Variants in CDH23 observed in about 807,000 individuals in gnomAD.
The protein encoded by CDH23 is cadherin-23.
Under a neutral mutation model 317.1 loss-of-function variants are expected in CDH23, and 189 were observed. The ratio of observed to expected loss-of-function variants is 0.60; its 90% CI spans 0.53 to 0.67. The LOEUF (loss-of-function observed/expected upper bound fraction) is 0.67. CDH23 is among the 30% of genes least tolerant of loss of function. The probability of loss-of-function intolerance (pLI) is 0.00; values close to 1 mark genes in which losing one functional copy is unlikely to be tolerated. For missense variants in CDH23, 4,401 were observed against 4,592.4 expected (o/e 0.96, Z 1.20); for synonymous variants, 1,839 against 1,876.8 (o/e 0.98, Z 0.52).
chr10:71,646,989 C>T (rs907501750), intron 14 of CDH23: 1 of 985,174 alleles, frequency 1.0e-6, no homozygotes, highest in African/African-American at 1.7e-5. Flanking sequence ...AGCACAGGCA[C>T]CAGAGAGGGG....
chr10:71,673,682 C>T (rs1199863732), intron 14 of CDH23, among the ~76,000 whole-genome samples: 1 of 152,210 alleles, frequency 6.6e-6, no homozygotes, highest in Non-Finnish European at 1.5e-5. Context: ...AGCTGTGAAG[C>T]CTTGAGTGAA....
At chr10:71,428,538 G>A (rs1046309888) in intron 1 of CDH23, among the ~76,000 whole-genome samples, 25 of 151,934 alleles carry the variant, frequency 1.6e-4, no homozygotes, top group Admixed American at 1.1e-3. Context: ...CTCCCTAATG[G>A]TAGTGATGGT....
chr10:71,591,976 G>C (rs1333639287), intron 9 of CDH23, among the ~76,000 whole-genome samples: 1 of 152,136 alleles, frequency 6.6e-6, no homozygotes, highest in Non-Finnish European at 1.5e-5. Flanking sequence ...ATGAGCAAAG[G>C]CTTAGAGGGA....
At position 71,594,842 on chromosome 10, in the gene CDH23, G is replaced by A. The variant is rs556687927; in HGVS notation, c.832+16850G>A. 1.1e-4 allele frequency among the ~76,000 whole-genome samples: 16 copies of A among 152,248 alleles called. No homozygotes were observed. In the South Asian group the frequency reaches 2.7e-3, roughly 26 times the overall value. ...TGAACCATATAAAATCCCCATTTTCGTAGTGACAAAATGATTTAATGTCAG... is the reference window on the plus strand; with the variant it reads ...TGAACCATATAAAATCCCCATTTTCATAGTGACAAAATGATTTAATGTCAG... On this transcript the variant is annotated intron_variant, in intron 9 of 69. Coordinates refer to ENST00000224721, the MANE Select transcript of CDH23 (RefSeq NM_022124.6).
At chr10:71,474,101 C>A (rs1245576754) in intron 3 of CDH23, among the ~76,000 whole-genome samples, 3 of 152,180 alleles carry the variant, frequency 2.0e-5, no homozygotes, top group African/African-American at 7.2e-5. Context: ...GGTGCCCGCT[C>A]CCTCCCCCAC....
chr10:71,683,864 C>T (rs1273043409), intron 18 of CDH23, among the ~76,000 whole-genome samples: 2 of 151,940 alleles, frequency 1.3e-5, no homozygotes, highest in African/African-American at 2.4e-5. Context: ...AGGTGGATCA[C>T]GAGGTCAGGA....
chr10:71,530,367 G>A (rs1477576422), intron 6 of CDH23, among the ~76,000 whole-genome samples: 1 of 152,198 alleles, frequency 6.6e-6, no homozygotes, highest in Admixed American at 6.5e-5. Context: ...CCCACAGTGG[G>A]GCCTCTCAGC....
chr10:71,445,258 A>C (rs1850099587), intron 2 of CDH23, among the ~76,000 whole-genome samples: 1 of 152,224 alleles, frequency 6.6e-6, no homozygotes, highest in South Asian at 2.1e-4. Context: ...CTGCCTTGCC[A>C]TCAGGATTGA....
At chr10:71,429,378 C>T (rs930488869) in intron 1 of CDH23, among the ~76,000 whole-genome samples, 30 of 152,198 alleles carry the variant, frequency 2.0e-4, no homozygotes, top group African/African-American at 6.8e-4. Flanking sequence ...AGACAAGTCC[C>T]TCTGCACAAG....
At chr10:71,773,383 G>A (rs1447953206) in intron 38 of CDH23, 4 of 1,610,188 alleles carry the variant, frequency 2.5e-6, no homozygotes, top group South Asian at 2.2e-5. Context: ...GGAAGAGAGC[G>A]AAGAGCAGGG....
Position 71,777,739 on chromosome 10 carries a change from G to A in CDH23, c.4905G>A (p.Gln1635=), listed in dbSNP as rs1840850085. Residue 1635 remains glutamine (Q), a synonymous_variant, in exon 39 of 70, where the codon CAG becomes CAA. Coordinates refer to ENST00000224721, the MANE Select transcript of CDH23 (RefSeq NM_022124.6). ...VDENDNAPMF[Q]QPHYEVLLDE... is the part of the protein sequence containing the mutation. ...AGAATGATAACGCGCCCATGTTCCA[G>A]CAGCCCCACTATGAGGTGCTGCTGG... 1.2e-6 allele frequency: 2 copies of A among 1,613,710 alleles called. No individual in the cohort carries two copies. The highest frequency in any genetic ancestry group is 2.2e-5 in the East Asian group (1 of 44,870).
At position 71,566,947 on chromosome 10, in the gene CDH23, A is replaced by C. The variant is rs770949827; in HGVS notation, c.624+11A>C. ...ACGGTCAACGCCACAGTGAGTCTCC[A>C]TGCTGGGGCCCCGGCCGTCCCAGCT... On this transcript the variant is annotated intron_variant, in intron 7 of 69. Transcript: ENST00000224721. 2.5e-6 allele frequency: 4 copies of C among 1,609,224 alleles called. No homozygotes were observed. The highest frequency in any genetic ancestry group is 3.4e-6 in the Non-Finnish European group (4 of 1,179,176).
rs142264054 is a variant in CDH23, at chr10:71,501,594, C to T, written c.146-8488C>T. Among the ~76,000 whole-genome samples the T allele has an allele frequency of 1.7e-3, 258 of 152,302 alleles. 1 individual carries two copies. Among genetic ancestry groups the T allele is most frequent in the African/African-American group, 5.9e-3 (245 of 41,564 alleles). On this transcript the variant is annotated intron_variant, in intron 3 of 69. Transcript: ENST00000224721. ...AAGCCTAAGATGAAGAAAAGAGCTC[C>T]CCTGAGGTCAAACCAAGTTCAGGAC...
At chr10:71,535,892 A>G (rs1855674496) in intron 6 of CDH23, among the ~76,000 whole-genome samples, 2 of 152,228 alleles carry the variant, frequency 1.3e-5, no homozygotes, top group African/African-American at 4.8e-5. Context: ...GTTGGGACAC[A>G]GGGAAAGTGC....
chr10:71,759,884 C>CACACACACATAT lies in CDH23; in HGVS notation c.4846-17795_4846-17794insCACACACATATA, dbSNP rs1554868497. On this transcript the variant is annotated intron_variant, in intron 38 of 69. Transcript: ENST00000224721. ...ACACACATATATATACACACACACA[C>CACACACACATAT]ATATACACACACACATATATACACA... Among the ~76,000 whole-genome samples the CACACACACATAT allele has an allele frequency of 4.1e-4, 20 of 49,186 alleles. 4 individuals carry two copies. The East Asian group carries it at 8.9e-3, about 22-fold the overall frequency. The allele number at this position is 49,186 out of a possible 152,430, so 32.3% of individuals were successfully genotyped here.
intron 11 of CDH23, among the ~76,000 whole-genome samples, chr10:71,642,689 C>T (rs1440760692): frequency 2.0e-5 from 3 of 151,638 alleles, no homozygotes; most frequent in East Asian, 1.9e-4. Context: ...CATGAGCCAC[C>T]GCACCCGGCC....
intron 2 of CDH23, among the ~76,000 whole-genome samples, chr10:71,445,536 C>T (rs895612706): frequency 4.6e-5 from 7 of 152,156 alleles, no homozygotes; most frequent in Admixed American, 1.3e-4. Context: ...TTCTAGGAGC[C>T]GCACTAGAAA....
At chr10:71,437,899 A>G (rs10762446) in intron 1 of CDH23, among the ~76,000 whole-genome samples, 107,810 of 151,960 alleles carry the variant, frequency 0.71, 39,018 homozygotes, top group Non-Finnish European at 0.78. Context: ...CAACACCCTC[A>G]TCTAAATTCC....
intron 42 of CDH23, among the ~76,000 whole-genome samples, 168 bp from the exon 43 acceptor site, chr10:71,784,720 CTTT>C (rs1296674343): frequency 6.6e-6 from 1 of 152,202 alleles, no homozygotes. Context: ...ATCTTCTTGC[CTTT>C]TTAATGTTCT....
Sources: allele counts gnomAD v4.1 joint callset (sites outside exome capture counted in the v4.1 genomes callset), GRCh38; gene constraint gnomAD v4.1.1; transcripts MANE v1.5; gene names NCBI Gene and HGNC (gene_info 2026-07-23, HGNC 2026-07-21).